LIFR: variants seen among roughly 807,000 people sequenced by gnomAD.
LIFR encodes the protein LIF receptor subunit alpha.
Under a neutral mutation model 122.2 loss-of-function variants are expected in LIFR, and 84 were observed. The observed-to-expected ratio is 0.69, with a 90% CI of 0.58 to 0.82. The LOEUF (loss-of-function observed/expected upper bound fraction) is 0.82. Ranked by LOEUF, LIFR falls within the 40% of genes least tolerant of loss-of-function variation. The pLI is 0.00. For synonymous variants in LIFR, 422 were observed against 434.7 expected (o/e 0.97, Z 0.36); for missense variants, 1,294 against 1,311.6 (o/e 0.99, Z 0.21).
At chr5:38,483,336 G>T (rs139068083) in intron 18 of LIFR, among the ~76,000 whole-genome samples, 1 of 152,140 alleles carries the variant, frequency 6.6e-6, no homozygotes, top group Non-Finnish European at 1.5e-5. Flanking sequence ...CTTTGTTAAT[G>T]TGAGTTTGAA....
upstream of LIFR, among the ~76,000 whole-genome samples, chr5:38,598,868 G>A (rs1012081038): frequency 6.6e-5 from 10 of 152,226 alleles, no homozygotes; most frequent in African/African-American, 2.4e-4. Flanking sequence ...AATGCCTGGT[G>A]CATACTGAAA....
chr5:38,537,338 T>C (rs1747343535), intron 1 of LIFR, among the ~76,000 whole-genome samples: 1 of 152,214 alleles, frequency 6.6e-6, no homozygotes, highest in Non-Finnish European at 1.5e-5. Flanking sequence ...GAGTGCCCCC[T>C]GCAATGTCTC....
intron 1 of LIFR, among the ~76,000 whole-genome samples, chr5:38,571,547 A>AG (rs1749212382): frequency 6.6e-6 from 1 of 151,400 alleles, no homozygotes; most frequent in South Asian, 2.1e-4. Context: ...AAAAAAAAAA[A>AG]AAAAGCACTA....
chr5:38,533,009 G>A (rs1214822939), intron 1 of LIFR, among the ~76,000 whole-genome samples: 1 of 152,222 alleles, frequency 6.6e-6, no homozygotes, highest in Non-Finnish European at 1.5e-5. Context: ...GTTCACAGCA[G>A]GTGCAAACTG....
At chr5:38,606,163 C>T (rs1216849610) in intron 2 of LIFR, 2 of 152,144 alleles carry the variant, frequency 1.3e-5, no homozygotes, top group East Asian at 3.9e-4. Context: ...GAAGAAATGC[C>T]TGTGATGGGA....
At chr5:38,539,658 G>C (rs149444100) in intron 1 of LIFR, among the ~76,000 whole-genome samples, 153 of 151,844 alleles carry the variant, frequency 1.0e-3, no homozygotes, top group African/African-American at 3.5e-3. Context: ...GGCTCAAATT[G>C]AAGTTTTTTT....
upstream of LIFR, among the ~76,000 whole-genome samples, chr5:38,598,028 A>C (rs970843941): frequency 1.3e-5 from 2 of 151,648 alleles, no homozygotes; most frequent in African/African-American, 4.8e-5. Flanking sequence ...GATAATAAGA[A>C]AAAAAAAGGT....
At chr5:38,543,275 T>C (rs1195049682) in intron 1 of LIFR, among the ~76,000 whole-genome samples, 1 of 152,070 alleles carries the variant, frequency 6.6e-6, no homozygotes, top group Non-Finnish European at 1.5e-5. Context: ...GCCCAAGCAC[T>C]TAACCTGTAC....
intron 5 of LIFR, among the ~76,000 whole-genome samples, chr5:38,512,830 T>C (rs1326590731): frequency 6.6e-6 from 1 of 151,996 alleles, no homozygotes; most frequent in Non-Finnish European, 1.5e-5. Context: ...TTTCATAGAG[T>C]AGAAGTAATT....
chr5:38,479,609 A>T lies in LIFR; in HGVS notation c.*1986T>A, dbSNP rs1220089651. On this transcript the variant is annotated 3_prime_UTR_variant, in exon 20 of 20. Coordinates refer to ENST00000453190, the MANE Select transcript of LIFR (RefSeq NM_001127671.2). ...ATAAACTTTTACTGTAGCCACACTTATCCTTGTCCTGGAGAGATAAAGTAC... is the reference window on the plus strand; with the variant it reads ...ATAAACTTTTACTGTAGCCACACTTTTCCTTGTCCTGGAGAGATAAAGTAC... The T allele has an allele frequency of 8.7e-6, 2 of 230,584 alleles. No homozygotes were observed. The highest frequency in any genetic ancestry group is 4.4e-5 in the African/African-American group (2 of 45,186). The allele number at this position is 230,584 out of a possible 1,614,324, so 14.3% of individuals were successfully genotyped here. A position where few individuals can be genotyped will look rare whatever the true frequency, so the allele number is the denominator to read the frequency against.
chr5:38,528,554 A>T, intron 3 of LIFR, 172 bp downstream of exon 3: 1 of 651,208 alleles, frequency 1.5e-6, no homozygotes, highest in South Asian at 1.8e-5. Context: ...CACACCTCAT[A>T]ATGCTTGGTG....
At chr5:38,552,083 C>T (rs1160359097) in intron 1 of LIFR, among the ~76,000 whole-genome samples, 1 of 151,966 alleles carries the variant, frequency 6.6e-6, no homozygotes, top group Non-Finnish European at 1.5e-5. Flanking sequence ...AGACTGAGGA[C>T]CTAAAGAACC....
intron 5 of LIFR, among the ~76,000 whole-genome samples, chr5:38,520,329 T>C (rs1206168077): frequency 1.3e-5 from 2 of 152,186 alleles, no homozygotes; most frequent in African/African-American, 4.8e-5. Flanking sequence ...TTTTTAATTG[T>C]TGAGTTGTTT....
At chr5:38,605,941 G>A (rs1475296915) in intron 2 of LIFR, among the ~76,000 whole-genome samples, 4 of 152,100 alleles carry the variant, frequency 2.6e-5, no homozygotes, top group East Asian at 1.9e-4. Context: ...GATGTGCCCC[G>A]ACCACCTCGT....
At chr5:38,486,842 A>G (rs1744310679) in intron 16 of LIFR, among the ~76,000 whole-genome samples, 3 of 152,218 alleles carry the variant, frequency 2.0e-5, no homozygotes, top group Non-Finnish European at 2.9e-5. Flanking sequence ...GTATAGAAAC[A>G]TCGGAACTTT....
At chr5:38,591,291 G>A (rs573242287) in intron 1 of LIFR, among the ~76,000 whole-genome samples, 8 of 152,164 alleles carry the variant, frequency 5.3e-5, no homozygotes, top group Admixed American at 1.3e-4. Flanking sequence ...AAATCATTTC[G>A]CTTAGAAGCC....
chr5:38,574,947 G>A (rs543050232), intron 1 of LIFR, among the ~76,000 whole-genome samples: 6 of 152,160 alleles, frequency 3.9e-5, no homozygotes, highest in South Asian at 2.1e-4. Context: ...CCACACCTAC[G>A]TATATACTCA....
chr5:38,481,819 T>C lies in LIFR; in HGVS notation c.3070A>G (p.Lys1024Glu), dbSNP rs753260599. The C allele has an allele frequency of 2.5e-6, 4 of 1,614,186 alleles. No homozygotes were observed. Among genetic ancestry groups the C allele is most frequent in the Non-Finnish European group, 3.4e-6 (4 of 1,180,040 alleles). ...EDIAAEEDLD[K>E]TAGYRPQANV... ...GCCTGAGGTCTGTAACCCGCAGTTT[T>C]ATCTAAGTCCTCTTCTGCAGCTATA... Residue 1024 changes from lysine (K) to glutamate (E), a missense_variant, in exon 20 of 20, where the codon AAA (lysine) becomes GAA (glutamate). By Grantham distance (56) the Lys-to-Glu change is moderately conservative (BLOSUM62 1). Coordinates refer to ENST00000453190, the MANE Select transcript of LIFR (RefSeq NM_001127671.2).
At position 38,549,568 on chromosome 5, in the gene LIFR, G is replaced by A. The variant is rs1561199734; in HGVS notation, c.-20+6766C>T. Among the ~76,000 whole-genome samples, 5 of 152,260 alleles carry A rather than the reference G, an allele frequency of 3.3e-5. 1 individual carries two copies. The highest frequency in any genetic ancestry group is 2.0e-4 in the Admixed American group (3 of 15,290). ...AGCACTTTGGGAGGCCGAGGCAGGC[G>A]GATCACGAGGTCAGGAGATCGAGAC... On this transcript the variant is annotated intron_variant, in intron 1 of 19. Transcript: ENST00000453190.
Sources: gnomAD v4.1 joint callset for allele counts (sites outside exome capture counted in the v4.1 genomes callset) on GRCh38, gnomAD v4.1.1 for gene constraint, MANE v1.5 for transcripts, NCBI Gene and HGNC (gene_info 2026-07-23, HGNC 2026-07-21) for gene names.